ATM: variants seen among roughly 807,000 people sequenced by gnomAD.
ATM encodes ATM serine/threonine kinase.
Under a neutral mutation model 387.0 loss-of-function variants are expected in ATM, and 308 were observed. That is an observed-to-expected ratio of 0.80 (90% CI 0.73 to 0.87). ATM has a LOEUF of 0.87. Ranked by LOEUF, ATM falls within the 40% of genes least tolerant of loss-of-function variation. The pLI is 0.00. For synonymous variants in ATM, 1,156 were observed against 1,187.3 expected, an observed-to-expected ratio of 0.97 and a Z score of 0.54; for missense variants, 3,312 against 3,560.9, an observed-to-expected ratio of 0.93 and a Z score of 1.78.
intron 47 of ATM, 69 bp downstream of exon 47, chr11:108,326,294 T>G: frequency 6.4e-7 from 1 of 1,551,020 alleles, no homozygotes; most frequent in Non-Finnish European, 8.8e-7. Context: ...TACTTTAAAA[T>G]ATTTTTAATA....
At chr11:108,234,115 T>TA (rs1473340468) in intron 4 of ATM, among the ~76,000 whole-genome samples, 1 of 152,152 alleles carries the variant, frequency 6.6e-6, no homozygotes, top group Non-Finnish European at 1.5e-5. Context: ...AGAAAAATGT[T>TA]ACAAGGACTA....
chr11:108,244,949 T>C lies in ATM; in HGVS notation c.824T>C (p.Leu275Ser). ...IWTQHRLNDS[L>S]KEVIIELFQL... ...ACTCAACATAGGCTTAATGATTCTTTAAAAGAAGTCATTATTGAATTATTT... is the reference window on the plus strand; with the variant it reads ...ACTCAACATAGGCTTAATGATTCTTCAAAAGAAGTCATTATTGAATTATTT... The change falls in exon 7 of 63, where the codon TTA (leucine) becomes TCA (serine). Residue 275 changes from leucine (L) to serine (S), a missense_variant. By Grantham distance (145) the Leu-to-Ser change is moderately radical. Transcript: ENST00000675843. 1 of 1,613,404 alleles carries C rather than the reference T, an allele frequency of 6.2e-7. No individual in the cohort carries two copies. The highest frequency in any genetic ancestry group is 8.5e-7 in the Non-Finnish European group (1 of 1,179,722).
At chr11:108,315,971 GT>G (rs771903616) in intron 41 of ATM, 39 bp from the exon 42 acceptor site, 2 of 1,609,858 alleles carry the variant, frequency 1.2e-6, no homozygotes, top group South Asian at 2.2e-5. Context: ...AGTTATGTGT[GT>G]GTAAAACCCA....
intron 60 of ATM, among the ~76,000 whole-genome samples, chr11:108,354,486 T>C (rs984196973): frequency 6.6e-6 from 1 of 152,224 alleles, no homozygotes; most frequent in Non-Finnish European, 1.5e-5. Flanking sequence ...TCAACTTGGA[T>C]TGGGGCAGAT....
At chr11:108,321,048 T>C (rs1451673398) in intron 44 of ATM, among the ~76,000 whole-genome samples, 1 of 152,126 alleles carries the variant, frequency 6.6e-6, no homozygotes, top group Non-Finnish European at 1.5e-5. Flanking sequence ...GGAGGAAGGG[T>C]TGGTCTTGCT....
intron 29 of ATM, among the ~76,000 whole-genome samples, chr11:108,291,496 C>G (rs988757385): frequency 2.0e-5 from 3 of 152,176 alleles, no homozygotes; most frequent in Non-Finnish European, 4.4e-5. Context: ...TCTACTCATT[C>G]CACAATAACT....
rs1555117263 is a variant in ATM, at chr11:108,321,406, G to A, written c.6558G>A (p.Gly2186=). ...CCATTGGAGAGCTGGAAAGCATTGG[G>A]GAGCTTTTCTCAAGGTATGTAATTC... ...LQAIGELESI[G]ELFSRSVTHR... Residue 2186 remains glycine, a synonymous_variant, in exon 45 of 63, where the codon GGG becomes GGA. Transcript: ENST00000675843. The A allele has an allele frequency of 6.2e-7, 1 of 1,613,980 alleles. No homozygotes were observed.
At chr11:108,223,325 C>CT (rs1263921789) in intron 1 of ATM, 139 bp downstream of exon 1, 1 of 153,010 alleles carries the variant, frequency 6.5e-6, no homozygotes, top group Non-Finnish European at 1.5e-5. Context: ...CTCACTCCAT[C>CT]TTTCCTGGCC....
chr11:108,320,275 A>G (rs1174112645), intron 44 of ATM, among the ~76,000 whole-genome samples: 1 of 152,106 alleles, frequency 6.6e-6, no homozygotes. Context: ...CCTTCAAGAA[A>G]GTTTTGGTGA....
intron 1 of ATM, chr11:108,225,181 G>A (rs1361654488): frequency 1.3e-5 from 2 of 152,200 alleles, no homozygotes; most frequent in East Asian, 3.8e-4. Flanking sequence ...TAGATTACCA[G>A]TTTCATTTTC....
chr11:108,229,377 A>ATTTT, intron 4 of ATM, 54 bp downstream of exon 4: 1 of 1,092,308 alleles, frequency 9.2e-7, no homozygotes, highest in Non-Finnish European at 1.3e-6. Flanking sequence ...CTGTCGCGTG[A>ATTTT]GTTTTTTTTT....
chr11:108,345,045 C>T (rs2088142216), intron 57 of ATM, among the ~76,000 whole-genome samples: 1 of 152,056 alleles, frequency 6.6e-6, no homozygotes, highest in Non-Finnish European at 1.5e-5. Flanking sequence ...GTAGCCAGTG[C>T]CTCCCAGTTT....
In ATM at chr11:108,316,043, G is replaced by T. The variant is rs753384717; in HGVS notation, c.6128G>T (p.Gly2043Val). The stretch of plus-strand genomic sequence containing the variant: ...ACATATGAACACGAAGCAATGTGGG[G>T]CAAAGCCCTAGTAACATATGACCTC... ...LRTYEHEAMWGKALVTYDLET... is the reference protein window; with the variant it reads ...LRTYEHEAMWVKALVTYDLET... Residue 2043 changes from glycine to valine, a missense_variant, in exon 42 of 63, where the codon GGC becomes GTC. Physicochemically the swap from Gly to Val is moderately radical, Grantham distance 109 (BLOSUM62 -3). This residue lies in a region of ATM where 1,405 missense variants were observed against 1,604.4 expected (regional missense o/e 0.88). Coordinates refer to ENST00000675843, the MANE Select transcript of ATM (RefSeq NM_000051.4). 2.5e-6 allele frequency: 4 copies of T among 1,614,116 alleles called. No homozygotes were observed. In the South Asian group the frequency reaches 3.3e-5, roughly 13 times the overall value.
In ATM at chr11:108,367,536, A is replaced by G. The variant is rs1046619146; in HGVS notation, c.*2028A>G. 1 of 205,446 alleles carries G rather than the reference A, an allele frequency of 4.9e-6. No individual in the cohort carries two copies. The highest frequency in any genetic ancestry group is 1.9e-4 in the South Asian group (1 of 5,302). The allele number at this position is 205,446 out of a possible 1,614,324, so 12.7% of individuals were successfully genotyped here. ...ACTACTGACTCGTGTATTAGTGAGT[A>G]TAATCTCTTCTCCATCCTTAGGAAA... is the stretch of plus-strand genomic sequence containing the variant. On this transcript the variant is annotated 3_prime_UTR_variant, in exon 63 of 63. Transcript: ENST00000675843.
intron 22 of ATM, among the ~76,000 whole-genome samples, chr11:108,274,094 G>A (rs948466570): frequency 6.6e-6 from 1 of 151,992 alleles, no homozygotes; most frequent in African/African-American, 2.4e-5. Flanking sequence ...TCCTGCTTTA[G>A]TTGGGAGGTT....
chr11:108,346,006 G>C, intron 58 of ATM, 98 bp downstream of exon 58: 3 of 1,401,566 alleles, frequency 2.1e-6, no homozygotes, highest in Non-Finnish European at 3.0e-6. Flanking sequence ...GAGTTGCAGG[G>C]GGATGATAGT....
At chr11:108,334,792 GTAGT>G (rs1434966603) in intron 54 of ATM, among the ~76,000 whole-genome samples, 173 bp from the exon 55 acceptor site, 2 of 152,186 alleles carry the variant, frequency 1.3e-5, no homozygotes, top group African/African-American at 2.4e-5. Context: ...TGATGAAACA[GTAGT>G]TAAAGTTACG....
chr11:108,282,159 G>C (rs4987986), intron 24 of ATM, among the ~76,000 whole-genome samples: 1 of 148,918 alleles, frequency 6.7e-6, no homozygotes, highest in Non-Finnish European at 1.5e-5. Flanking sequence ...ACGGAGTCTC[G>C]CTCTGTCGCC....
At chr11:108,287,567 T>C (rs1226302510) in intron 26 of ATM, 33 bp from the exon 27 acceptor site, 2 of 1,377,782 alleles carry the variant, frequency 1.5e-6, no homozygotes. Flanking sequence ...AGATATAAAA[T>C]ATTAAATATA....
Sources: gnomAD v4.1 joint callset for allele counts (sites outside exome capture counted in the v4.1 genomes callset) on GRCh38, gnomAD v4.1.1 for gene constraint, gnomAD v4.1.1 regional missense constraint, MANE v1.5 for transcripts, NCBI Gene and HGNC (gene_info 2026-07-23, HGNC 2026-07-21) for gene names.